The following AIM2 variants were observed in gnomAD, a reference collection of about 807,000 sequenced individuals.
The protein encoded by AIM2 is absent in melanoma 2, also known as interferon-inducible protein AIM2.
Under a neutral mutation model 27.7 loss-of-function variants are expected in AIM2, and 30 were observed. The ratio of observed to expected loss-of-function variants is 1.08; its 90% CI spans 0.81 to 1.47. The LOEUF (loss-of-function observed/expected upper bound fraction) is 1.47, where lower values mean the gene tolerates loss of function less well. AIM2 is among the 40% of genes most tolerant of loss of function. The pLI is 0.00. For missense variants in AIM2, 358 were observed against 411.3 expected, an observed-to-expected ratio of 0.87 and a Z score of 1.12; for synonymous variants, 141 against 145.3, an observed-to-expected ratio of 0.97 and a Z score of 0.21.
At chr1:159,085,014 C>T (rs1202245184) in intron 1 of AIM2, among the ~76,000 whole-genome samples, 1 of 152,146 alleles carries the variant, frequency 6.6e-6, no homozygotes, top group Admixed American at 6.5e-5. Flanking sequence ...ACATATAATG[C>T]CAAGACCTGA....
intron 1 of AIM2, among the ~76,000 whole-genome samples, chr1:159,093,690 G>T (rs1657101397): frequency 6.6e-6 from 1 of 150,552 alleles, no homozygotes; most frequent in Non-Finnish European, 1.5e-5. Context: ...TATTTATTTA[G>T]AAAATATATA....
rs527798201 is a variant in AIM2, at chr1:159,106,724, A to G, written c.-16+33707T>C. 2.6e-5 allele frequency among the ~76,000 whole-genome samples: 4 copies of G among 152,346 alleles called. No homozygotes were observed. In the South Asian group the frequency reaches 8.3e-4, roughly 32 times the overall value. ...AACTAATGCAAGGTTGCCCTGATAT[A>G]ATTTAGAAAGTGATATTAGTAAAAA... On this transcript the variant is annotated intron_variant, in intron 1 of 2. Transcript: ENST00000368129.
At position 159,073,427 on chromosome 1, in the gene AIM2, ACCTATCCAGTTC is replaced by A; in HGVS notation, c.61_72del (p.Glu21_Arg24del). 1 of 1,614,034 alleles carries A rather than the reference ACCTATCCAGTTC, an allele frequency of 6.2e-7. No individual in the cohort carries two copies. Among genetic ancestry groups the A allele is most frequent in the South Asian group, 1.1e-5 (1 of 91,074 alleles). ...AACTCGTCTGAAAGAAAGAACTTAA[ACCTATCCAGTTC>A]CTCATCAGTGATGTTATCCAGGCCT... On this transcript the variant is annotated inframe_deletion, in exon 2 of 6. Coordinates refer to ENST00000368130, the MANE Select transcript of AIM2 (RefSeq NM_004833.3).
chr1:159,110,969 G>A (rs142815854), intron 1 of AIM2, among the ~76,000 whole-genome samples: 1 of 152,116 alleles, frequency 6.6e-6, no homozygotes, highest in Admixed American at 6.6e-5. Context: ...TTATACTTAC[G>A]CTAATGTGCT....
downstream of AIM2, among the ~76,000 whole-genome samples, chr1:159,058,514 C>T (rs1655726375): frequency 6.6e-6 from 1 of 151,906 alleles, no homozygotes; most frequent in Admixed American, 6.6e-5. Context: ...AGCCACTGCT[C>T]ACCGGTTCAT....
chr1:159,131,561 A>C (rs1647885557), intron 1 of AIM2, among the ~76,000 whole-genome samples: 1 of 152,224 alleles, frequency 6.6e-6, no homozygotes, highest in Admixed American at 6.5e-5. Flanking sequence ...TTTAAAGGAC[A>C]CTATACTCAG....
At chr1:159,133,754 C>T (rs973435893) in intron 1 of AIM2, among the ~76,000 whole-genome samples, 2 of 152,190 alleles carry the variant, frequency 1.3e-5, no homozygotes, top group African/African-American at 2.4e-5. Flanking sequence ...TACCTCTCCC[C>T]ACTACTTCTC....
chr1:159,081,519 C>G (rs1372684566), upstream of AIM2: 1 of 523,176 alleles, frequency 1.9e-6, no homozygotes, highest in East Asian at 5.7e-5. Context: ...TTATTAATAA[C>G]ATTGGTGCTG....
intron 1 of AIM2, among the ~76,000 whole-genome samples, chr1:159,125,732 T>A (rs1237441269): frequency 2.0e-5 from 3 of 152,184 alleles, no homozygotes; most frequent in African/African-American, 4.8e-5. Flanking sequence ...GTTTTTCTAA[T>A]GTGAATGGTT....
chr1:159,122,846 G>A (rs1647575969), intron 1 of AIM2, among the ~76,000 whole-genome samples: 1 of 152,160 alleles, frequency 6.6e-6, no homozygotes, highest in African/African-American at 2.4e-5. Flanking sequence ...TGGCAATTCT[G>A]ACCCATTCGC....
chr1:159,065,741 A>G (rs1487362081), intron 4 of AIM2, among the ~76,000 whole-genome samples, 169 bp downstream of exon 4: 1 of 152,224 alleles, frequency 6.6e-6, no homozygotes, highest in Non-Finnish European at 1.5e-5. Flanking sequence ...ACAATTTTTG[A>G]GTTTTTGTAT....
At chr1:159,131,936 A>G (rs1161201926) in intron 1 of AIM2, among the ~76,000 whole-genome samples, 4 of 152,218 alleles carry the variant, frequency 2.6e-5, no homozygotes, top group African/African-American at 9.6e-5. Flanking sequence ...AAAGACCAAA[A>G]TCAAGTCGGG....
intron 1 of AIM2, among the ~76,000 whole-genome samples, chr1:159,146,082 G>C (rs1025612546): frequency 1.3e-5 from 2 of 151,270 alleles, no homozygotes; most frequent in Non-Finnish European, 2.9e-5. Flanking sequence ...CTCCAGCCTG[G>C]TGACAGAGTG....
chr1:159,134,726 G>A (rs1647981998), intron 1 of AIM2, among the ~76,000 whole-genome samples: 1 of 152,198 alleles, frequency 6.6e-6, no homozygotes, highest in Admixed American at 6.5e-5. Flanking sequence ...CAGTTACTCG[G>A]GAGGCTGAGG....
intron 1 of AIM2, among the ~76,000 whole-genome samples, chr1:159,133,291 A>T (rs1429637860): frequency 6.6e-6 from 1 of 152,212 alleles, no homozygotes; most frequent in Non-Finnish European, 1.5e-5. Context: ...TACAGATACA[A>T]GTTTGGTCAC....
chr1:159,124,787 T>C (rs1349352847), intron 1 of AIM2, among the ~76,000 whole-genome samples: 2 of 152,254 alleles, frequency 1.3e-5, no homozygotes, highest in South Asian at 4.2e-4. Context: ...CCCAGCTCAG[T>C]AGAGCAGGAG....
downstream of AIM2, among the ~76,000 whole-genome samples, chr1:159,058,198 CATT>C (rs1293590291): frequency 2.0e-5 from 3 of 151,946 alleles, no homozygotes; most frequent in African/African-American, 7.2e-5. Flanking sequence ...TACATACAAA[CATT>C]AGCCAGGCGT....
chr1:159,115,894 C>A (rs1315552731), intron 1 of AIM2, among the ~76,000 whole-genome samples: 1 of 151,888 alleles, frequency 6.6e-6, no homozygotes, highest in Non-Finnish European at 1.5e-5. Context: ...AGTGAACAGG[C>A]AACCTACAGA....
Position 159,063,616 on chromosome 1 carries a change from T to C in AIM2, c.875A>G (p.Glu292Gly), listed in dbSNP as rs761685221. ...FDLSDNTGKM[E>G]VLGVRNEDTM... ...GTCCTCGTTTCTAACCCCCAGTACT[T>C]CCATTTTCCCAGTGTTGTCACTTAG... Residue 292 changes from glutamate (E) to glycine (G), a missense_variant, in exon 5 of 6, where the codon GAA becomes GGA. Coordinates refer to ENST00000368130, the MANE Select transcript of AIM2 (RefSeq NM_004833.3). 3.1e-6 allele frequency: 5 copies of C among 1,614,170 alleles called. No individual in the cohort carries two copies. The highest frequency in any genetic ancestry group is 1.1e-5 in the South Asian group (1 of 91,080).
Sources: gnomAD v4.1 joint callset for allele counts (sites outside exome capture counted in the v4.1 genomes callset) on GRCh38, gnomAD v4.1.1 for gene constraint, MANE v1.5 for transcripts, NCBI Gene and HGNC (gene_info 2026-07-23, HGNC 2026-07-21) for gene names.